The following TUBA8 variants were observed in gnomAD, a reference collection of about 807,000 sequenced individuals.
The protein encoded by TUBA8 is tubulin alpha-8 chain.
In TUBA8, 29 loss-of-function variants were observed where a neutral mutation model predicts 34.7. The observed-to-expected ratio is 0.84, with a 90% CI of 0.62 to 1.14. TUBA8 has a LOEUF of 1.14. Among genes scored for constraint, TUBA8 ranks in the 50% most tolerant of loss-of-function variants. The probability of loss-of-function intolerance (pLI) is 0.00; values close to 1 mark genes in which losing one functional copy is unlikely to be tolerated. For missense variants in TUBA8, 541 were observed against 599.2 expected (o/e 0.90, Z 1.01); for synonymous variants, 226 against 231.2 (o/e 0.98, Z 0.21).
chr22:18,111,357 G>A lies in TUBA8; in HGVS notation c.3+489G>A, dbSNP rs936871319. ...CGCCACGGTCCCCCCACGCGTGGAGGTCTTTCTCGCAAGCCTGGCCAGCGG... is the reference window on the plus strand; with the variant it reads ...CGCCACGGTCCCCCCACGCGTGGAGATCTTTCTCGCAAGCCTGGCCAGCGG... On this transcript the variant is annotated intron_variant, in intron 1 of 4. Transcript: ENST00000330423. This position sits in a 1 kb window ranked among gnomAD's most constrained non-coding sequence, Gnocchi z 5.1. 1.2e-5 allele frequency: 2 copies of A among 163,656 alleles called. No homozygotes were observed. The highest frequency in any genetic ancestry group is 4.8e-5 in the African/African-American group (2 of 41,672). 10.1% of individuals were successfully genotyped at this position (163,656 alleles called of 1,614,324 possible).
chr22:18,127,084 G>C (rs1602499269), intron 4 of TUBA8, 50 bp downstream of exon 4: 1 of 1,603,146 alleles, frequency 6.2e-7, no homozygotes, highest in East Asian at 2.2e-5. Flanking sequence ...GAAGCAGAGG[G>C]AGGTGACCAA....
Position 18,118,213 on chromosome 22 carries a change from C to T in TUBA8, c.4-3266C>T, listed in dbSNP as rs956634063. Reference sequence around the variant, plus strand: ...TTGGCGTTCTTGTCCAAATCAATCACGTAATTAGAAGATGGAATAGGGCAA... The same window carrying T: ...TTGGCGTTCTTGTCCAAATCAATCATGTAATTAGAAGATGGAATAGGGCAA... On this transcript the variant is annotated intron_variant, in intron 1 of 4. Transcript: ENST00000330423. This position sits in a 1 kb window ranked among gnomAD's most constrained non-coding sequence, Gnocchi z 4.0. 2 of 152,120 alleles carry T rather than the reference C, an allele frequency of 1.3e-5. No homozygotes were observed. Among genetic ancestry groups the T allele is most frequent in the Admixed American group, 6.5e-5 (1 of 15,274 alleles). 9.4% of individuals were successfully genotyped at this position (152,120 alleles called of 1,614,324 possible).
At chr22:18,123,873 C>T (rs1249068097) in intron 2 of TUBA8, 2 of 427,550 alleles carry the variant, frequency 4.7e-6, no homozygotes, top group East Asian at 5.0e-5. Flanking sequence ...CTGGGCCCGG[C>T]GATGTTCGAT....
At chr22:18,122,299 C>T (rs1928171753) in intron 2 of TUBA8, 5 of 154,572 alleles carry the variant, frequency 3.2e-5, no homozygotes, top group Admixed American at 3.2e-4. Context: ...ATCAGGATTT[C>T]CCCAGCTCCA....
In TUBA8 at chr22:18,126,880, A is replaced by T. The variant is rs2234333; in HGVS notation, c.902A>T (p.Gln301Leu). Residue 301 changes from glutamine to leucine, a missense_variant, in exon 4 of 5, where the codon CAG becomes CTG. Transcript: ENST00000330423. This position sits in a 1 kb window ranked among gnomAD's most constrained non-coding sequence, Gnocchi z 4.0. ...ITSSCFEPNS[Q>L]MVKCDPRHGK... ...AGCTCCTGCTTTGAGCCCAACAGCC[A>T]GATGGTGAAGTGCGACCCGAGACAT... 6.2e-7 allele frequency: 1 copy of T among 1,611,918 alleles called. No homozygotes were observed. The highest frequency in any genetic ancestry group is 1.7e-5 in the Admixed American group (1 of 59,930).
At position 18,126,074 on chromosome 22, in the gene TUBA8, G is replaced by C; in HGVS notation, c.376-280G>C. 2.1e-6 allele frequency: 1 copy of C among 478,508 alleles called. No homozygotes were observed. The highest frequency in any genetic ancestry group is 2.2e-5 in the South Asian group (1 of 45,180). 29.6% of individuals were successfully genotyped at this position (478,508 alleles called of 1,614,324 possible). A position where few individuals can be genotyped will look rare whatever the true frequency, so the allele number is the denominator to read the frequency against. ...TGCGAGGTCTCACTATGTTGCCCAT[G>C]CTGGTTGTGAACTCCTGGCCTCAAT... On this transcript the variant is annotated intron_variant, in intron 3 of 4. Transcript: ENST00000330423. The surrounding 1 kb of genome is among the most constrained non-coding windows in gnomAD (Gnocchi z 4.0).
intron 2 of TUBA8, chr22:18,123,474 C>T (rs1187880696): frequency 1.3e-5 from 2 of 153,458 alleles, no homozygotes; most frequent in African/African-American, 2.4e-5. Flanking sequence ...CCAAGATGGT[C>T]TCGATCTCCT....
chr22:18,117,774 C>CAAAAA (rs361811), intron 1 of TUBA8: 7 of 43,758 alleles, frequency 1.6e-4, no homozygotes, highest in South Asian at 7.0e-4. Flanking sequence ...GACTCCGTCT[C>CAAAAA]AAAAAAAAAA....
Position 18,131,293 on chromosome 22 carries a change from T to C in TUBA8, c.*157T>C. 1 of 729,866 alleles carries C rather than the reference T, an allele frequency of 1.4e-6. No individual in the cohort carries two copies. The highest frequency in any genetic ancestry group is 1.7e-5 in the South Asian group (1 of 58,242). 45.2% of individuals were successfully genotyped at this position (729,866 alleles called of 1,614,324 possible). A position where few individuals can be genotyped will look rare whatever the true frequency, so the allele number is the denominator to read the frequency against. ...AGTACCCAGGGTGGCACGACTGGGC[T>C]AAGTGGACACTGAGCTTCATCAGGC... On this transcript the variant is annotated 3_prime_UTR_variant, in exon 5 of 5. Coordinates refer to ENST00000330423, the MANE Select transcript of TUBA8 (RefSeq NM_018943.3). The surrounding 1 kb of genome is among the most constrained non-coding windows in gnomAD (Gnocchi z 5.3).
chr22:18,129,963 G>A (rs1409168942), intron 4 of TUBA8: 1 of 152,212 alleles, frequency 6.6e-6, no homozygotes, highest in African/African-American at 2.4e-5. Flanking sequence ...TCTGGGCTGA[G>A]CCTGGGAGAC....
chr22:18,110,973 G>T lies in TUBA8; in HGVS notation c.3+105G>T. On this transcript the variant is annotated intron_variant, in intron 1 of 4. Coordinates refer to ENST00000330423, the MANE Select transcript of TUBA8 (RefSeq NM_018943.3). This position sits in a 1 kb window ranked among gnomAD's most constrained non-coding sequence, Gnocchi z 6.2. Reference sequence around the variant, plus strand: ...GGACCCGTCTTCCTGGAGCCGCAGGGCTCAAGGCCTTCTGGGGGTGGCAGT... The same window carrying T: ...GGACCCGTCTTCCTGGAGCCGCAGGTCTCAAGGCCTTCTGGGGGTGGCAGT... 1.3e-6 allele frequency: 2 copies of T among 1,510,614 alleles called. No individual in the cohort carries two copies. Among genetic ancestry groups the T allele is most frequent in the Non-Finnish European group, 1.8e-6 (2 of 1,126,388 alleles). 93.6% of individuals were successfully genotyped at this position (1,510,614 alleles called of 1,614,324 possible).
At chr22:18,130,240 C>G in intron 4 of TUBA8, 1 of 153,030 alleles carries the variant, frequency 6.5e-6, no homozygotes, top group Admixed American at 6.5e-5. Flanking sequence ...GGAGAGAGTA[C>G]ACTTTTGAAC....
rs1162756270 is a variant in TUBA8 at position 18,123,929 on chromosome 22, AG to A, written c.227-226del. The A allele has an allele frequency of 1.6e-5, 9 of 575,482 alleles. No individual in the cohort carries two copies. The African/African-American group carries it at 1.7e-4, about 11-fold the overall frequency. 35.6% of individuals were successfully genotyped at this position (575,482 alleles called of 1,614,324 possible). ...TTTTTAGGGTTCTAGCCAGCAGGGCAGCCTGCTTCTCACCGCCCACATGAGC... is the reference window on the plus strand; with the variant it reads ...TTTTTAGGGTTCTAGCCAGCAGGGCACCTGCTTCTCACCGCCCACATGAGC... On this transcript the variant is annotated intron_variant, in intron 2 of 4. Coordinates refer to ENST00000330423, the MANE Select transcript of TUBA8 (RefSeq NM_018943.3).
At chr22:18,127,389 G>GTTTT (rs1467174410) in intron 4 of TUBA8, 3 of 173,952 alleles carry the variant, frequency 1.7e-5, no homozygotes, top group Non-Finnish European at 1.2e-5. Flanking sequence ...CCTAACGTTA[G>GTTTT]TTTTGTTTTT....
rs1053808473 is a variant in TUBA8, at chr22:18,126,989, C to A, written c.1011C>A (p.Thr337=). The change falls in exon 4 of 5, where the codon ACC becomes ACA. Residue 337 remains threonine, a synonymous_variant. Transcript: ENST00000330423. This position sits in a 1 kb window ranked among gnomAD's most constrained non-coding sequence, Gnocchi z 4.0. ...DVNVAIAAIK[T]KRTIQFVDWC... is the part of the protein sequence containing the mutation. Reference sequence around the variant, plus strand: ...ATGTCGCTATTGCTGCCATCAAGACCAAGAGGACCATCCAGTTTGTAGACT... The same window carrying A: ...ATGTCGCTATTGCTGCCATCAAGACAAAGAGGACCATCCAGTTTGTAGACT... 1.2e-6 allele frequency: 2 copies of A among 1,613,886 alleles called. No homozygotes were observed. Among genetic ancestry groups the A allele is most frequent in the Non-Finnish European group, 1.7e-6 (2 of 1,179,986 alleles).
rs1928501617 is a variant in TUBA8 at position 18,131,205 on chromosome 22, A to T, written c.*69A>T. 2 of 1,526,998 alleles carry T rather than the reference A, an allele frequency of 1.3e-6. No homozygotes were observed. The highest frequency in any genetic ancestry group is 3.4e-5 in the Admixed American group (2 of 59,644). 94.6% of individuals were successfully genotyped at this position (1,526,998 alleles called of 1,614,324 possible). A position where few individuals can be genotyped will look rare whatever the true frequency, so the allele number is the denominator to read the frequency against. ...CCATTCAAAGCACATGTTCAAGAGA[A>T]CAGAACACTCTCCCCGCCCCAGCCT... On this transcript the variant is annotated 3_prime_UTR_variant, in exon 5 of 5. Transcript: ENST00000330423. The surrounding 1 kb of genome is among the most constrained non-coding windows in gnomAD (Gnocchi z 5.3).
chr22:18,126,745 A>G lies in TUBA8; in HGVS notation c.767A>G (p.Gln256Arg). The G allele has an allele frequency of 6.2e-7, 1 of 1,614,058 alleles. No homozygotes were observed. The highest frequency in any genetic ancestry group is 8.5e-7 in the Non-Finnish European group (1 of 1,180,002). The change falls in exon 4 of 5, where the codon CAG (glutamine) becomes CGG (arginine). Residue 256 changes from glutamine (Q) to arginine (R), a missense_variant. Physicochemically the swap from Gln to Arg is conservative, Grantham distance 43. Transcript: ENST00000330423. The surrounding 1 kb of genome is among the most constrained non-coding windows in gnomAD (Gnocchi z 4.0). ...CTCAATGTGGACCTCACTGAGTTCCAGACCAACCTGGTGCCCTACCCCCGC... is the reference window on the plus strand; with the variant it reads ...CTCAATGTGGACCTCACTGAGTTCCGGACCAACCTGGTGCCCTACCCCCGC... ...GALNVDLTEF[Q>R]TNLVPYPRIH... is the part of the protein sequence containing the mutation.
chr22:18,129,235 GA>G (rs1281301954), intron 4 of TUBA8: 1 of 152,104 alleles, frequency 6.6e-6, no homozygotes, highest in Non-Finnish European at 1.5e-5. Context: ...AATGAATGGG[GA>G]AAAAAGAGAA....
Position 18,121,445 on chromosome 22 carries a change from A to T in TUBA8, c.4-34A>T. On this transcript the variant is annotated intron_variant, in intron 1 of 4. Coordinates refer to ENST00000330423, the MANE Select transcript of TUBA8 (RefSeq NM_018943.3). The surrounding 1 kb of genome is among the most constrained non-coding windows in gnomAD (Gnocchi z 4.8). The stretch of plus-strand genomic sequence containing the variant: ...GGGCAAAGGCATGCTGGGGGCCCAG[A>T]CTCTCTGACCTCGTTGCTTCCCTCT... The T allele has an allele frequency of 6.3e-7, 1 of 1,590,788 alleles. No individual in the cohort carries two copies. Among genetic ancestry groups the T allele is most frequent in the African/African-American group, 1.3e-5 (1 of 74,536 alleles).
Sources: gnomAD v4.1 joint callset for allele counts on GRCh38, gnomAD v4.1.1 for gene constraint, Gnocchi (gnomAD v3.1) non-coding constraint, MANE v1.5 for transcripts, NCBI Gene and HGNC (gene_info 2026-07-23, HGNC 2026-07-21) for gene names.